The following DST variants were observed in gnomAD, a reference collection of about 807,000 sequenced individuals.
DST encodes bullous pemphigoid antigen.
In DST, 253 loss-of-function variants were observed where a neutral mutation model predicts 875.2. The observed-to-expected ratio is 0.29, with a 90% CI of 0.26 to 0.32. The LOEUF is 0.32. Among genes scored for constraint, DST ranks in the 10% least tolerant of loss-of-function variants. The pLI is 1.00. For missense variants in DST, 8,287 were observed against 9,111.6 expected (o/e 0.91, Z 3.68); for synonymous variants, 3,124 against 3,197.1 (o/e 0.98, Z 0.77).
Position 56,606,321 on chromosome 6 carries a change from C to T in DST, c.8307G>A (p.Lys2769=), listed in dbSNP as rs1280817602. 6.2e-7 allele frequency: 1 copy of T among 1,610,340 alleles called. No homozygotes were observed. The highest frequency in any genetic ancestry group is 1.7e-5 in the Admixed American group (1 of 59,342). Residue 2769 remains lysine, a synonymous_variant, in exon 40 of 104, where the codon AAG becomes AAA. Transcript: ENST00000680361. ...FDDSGSWRGR[K]EEYVTGQEFH... is the part of the protein sequence containing the mutation. ...ATTCCTGTCCAGTTACATACTCTTC[C>T]TTTCTTCCTCTCCAACTGCCACTGT...
intron 92 of DST, among the ~76,000 whole-genome samples, chr6:56,475,376 G>A (rs1282489555): frequency 1.4e-5 from 2 of 147,050 alleles, no homozygotes; most frequent in Non-Finnish European, 3.0e-5. Context: ...AGACATTGAT[G>A]TCTTATTAGG....
At chr6:56,614,870 G>T (rs1444923516) in intron 36 of DST, 1 of 992,652 alleles carries the variant, frequency 1.0e-6, no homozygotes, top group Non-Finnish European at 1.2e-6. Flanking sequence ...AATAGAGAAC[G>T]TCTACTGTAC....
chr6:56,747,198 C>T (rs2099575193), intron 4 of DST, among the ~76,000 whole-genome samples: 1 of 152,190 alleles, frequency 6.6e-6, no homozygotes, highest in African/African-American at 2.4e-5. Context: ...AATCCAGACA[C>T]AGGACAAGAG....
intron 4 of DST, among the ~76,000 whole-genome samples, chr6:56,800,512 C>T (rs1697838836): frequency 1.3e-5 from 2 of 152,150 alleles, no homozygotes; most frequent in Admixed American, 1.3e-4. Flanking sequence ...CCCCAATCTC[C>T]ATGGTGCCTC....
At chr6:56,813,507 T>C (rs1361600775) in intron 4 of DST, among the ~76,000 whole-genome samples, 1 of 152,172 alleles carries the variant, frequency 6.6e-6, no homozygotes, top group African/African-American at 2.4e-5. Flanking sequence ...CTAAAGAAAC[T>C]ACAAAGAAAT....
chr6:56,846,597 T>C (rs2099807442), intron 4 of DST, among the ~76,000 whole-genome samples: 1 of 152,236 alleles, frequency 6.6e-6, no homozygotes. Flanking sequence ...CCTTTCCTTA[T>C]ATTTCATTGT....
chr6:56,556,870 T>A (rs1393847437), intron 59 of DST, among the ~76,000 whole-genome samples: 1 of 152,184 alleles, frequency 6.6e-6, no homozygotes, highest in Non-Finnish European at 1.5e-5. Flanking sequence ...ATTCTCTCTC[T>A]CCTCCATCAG....
At chr6:56,702,083 G>A (rs937075411) in intron 7 of DST, 118 bp from the exon 8 acceptor site, 1 of 560,108 alleles carries the variant, frequency 1.8e-6, no homozygotes, top group Non-Finnish European at 3.1e-6. Flanking sequence ...TTTAGGTAAG[G>A]CCATAAGATT....
intron 4 of DST, among the ~76,000 whole-genome samples, chr6:56,792,536 A>G (rs1177750984): frequency 6.6e-6 from 1 of 152,092 alleles, no homozygotes; most frequent in African/African-American, 2.4e-5. Context: ...CCTGGGCTCA[A>G]GCAATCCTCC....
At chr6:56,619,265 A>C (rs758328771) in intron 36 of DST, 1 of 1,613,098 alleles carries the variant, frequency 6.2e-7, no homozygotes, top group Admixed American at 1.7e-5. Flanking sequence ...AATTCTCTGC[A>C]TCATTAATTT....
intron 2 of DST, among the ~76,000 whole-genome samples, chr6:56,907,558 A>G (rs908469624): frequency 6.6e-6 from 1 of 152,260 alleles, no homozygotes; most frequent in African/African-American, 2.4e-5. Flanking sequence ...AGCCCAGATT[A>G]GAACCCAGGT....
At chr6:56,656,863 G>T (rs1234549154) in intron 10 of DST, among the ~76,000 whole-genome samples, 2 of 152,160 alleles carry the variant, frequency 1.3e-5, no homozygotes, top group African/African-American at 4.8e-5. Context: ...ATATGTATAT[G>T]TATGTGTGTG....
In DST at chr6:56,597,632, A is replaced by G. The variant is rs2098404059; in HGVS notation, c.12195+108T>C. On this transcript the variant is annotated intron_variant, in intron 47 of 103. Transcript: ENST00000680361. ...ATCTGACATGATGAACACAGAAAAA[A>G]ACCTCTTTTGTCAGTAAGGTTTGAA... 3 of 1,169,240 alleles carry G rather than the reference A, an allele frequency of 2.6e-6. No individual in the cohort carries two copies. The South Asian group carries it at 5.8e-5, about 22-fold the overall frequency. The allele number at this position is 1,169,240 out of a possible 1,614,324, so 72.4% of individuals were successfully genotyped here.
At chr6:56,612,760 A>G (rs2098555415) in intron 37 of DST, among the ~76,000 whole-genome samples, 1 of 152,258 alleles carries the variant, frequency 6.6e-6, no homozygotes, top group Non-Finnish European at 1.5e-5. Flanking sequence ...GTTCTTAGAC[A>G]GTTATAATTA....
At chr6:56,619,026 G>GA in intron 36 of DST, 1 of 1,614,154 alleles carries the variant, frequency 6.2e-7, no homozygotes. Flanking sequence ...ATAATGTTCT[G>GA]TTGGTCACAC....
chr6:56,600,761 T>C lies in DST; in HGVS notation c.11542-540A>G, dbSNP rs536247283. Reference sequence around the variant, plus strand: ...GCTATTAGATATAGCACTCATATAATTCATTAAATCTTCTAAAAGATTAAG... The same window carrying C: ...GCTATTAGATATAGCACTCATATAACTCATTAAATCTTCTAAAAGATTAAG... On this transcript the variant is annotated intron_variant, in intron 44 of 103. Coordinates refer to ENST00000680361, the MANE Select transcript of DST (RefSeq NM_001374736.1). 2.0e-5 allele frequency among the ~76,000 whole-genome samples: 3 copies of C among 152,080 alleles called. No homozygotes were observed. In the South Asian group the frequency reaches 6.2e-4, roughly 32 times the overall value.
Position 56,553,081 on chromosome 6 carries a change from C to G in DST, c.15711G>C (p.Glu5237Asp), listed in dbSNP as rs530295193. ...NTANSLLSVC[E>D]IDKEVVTDEN... is the part of the protein sequence containing the mutation. ...CATCTGTAACAACTTCTTTATCTAT[C>G]TCACAGACACTGAGCAAGCTATTGG... The change falls in exon 61 of 104, where the codon GAG (glutamate) becomes GAC (aspartate). Residue 5237 changes from glutamate to aspartate, a missense_variant. Physicochemically the swap from Glu to Asp is conservative, Grantham distance 45. This residue lies in a region of DST where 1,513 missense variants were observed against 1,677.8 expected (regional missense o/e 0.90). Transcript: ENST00000680361. 6.2e-7 allele frequency: 1 copy of G among 1,613,966 alleles called. No homozygotes were observed. The highest frequency in any genetic ancestry group is 1.1e-5 in the South Asian group (1 of 91,088).
At chr6:56,566,068 G>T (rs2097671085) in intron 55 of DST, among the ~76,000 whole-genome samples, 1 of 152,144 alleles carries the variant, frequency 6.6e-6, no homozygotes, top group Non-Finnish European at 1.5e-5. Context: ...AGCATCCCAG[G>T]TCGACTGCAG....
Position 56,538,435 on chromosome 6 carries a change from AC to A in DST, c.16609-1496del, listed in dbSNP as rs142058132. On this transcript the variant is annotated intron_variant, in intron 61 of 103. Coordinates refer to ENST00000680361, the MANE Select transcript of DST (RefSeq NM_001374736.1). ...ATCCTGAAGGGCACTATATAAATAT[AC>A]CAATGATTGGACAGTTAATCATAAT... 4.8e-3 allele frequency among the ~76,000 whole-genome samples: 732 copies of A among 152,334 alleles called. 6 individuals carry two copies. The highest frequency in any genetic ancestry group is 0.017 in the African/African-American group (708 of 41,570).
Sources: gnomAD v4.1 joint callset for allele counts (sites outside exome capture counted in the v4.1 genomes callset) on GRCh38, gnomAD v4.1.1 for gene constraint, gnomAD v4.1.1 regional missense constraint, MANE v1.5 for transcripts, NCBI Gene and HGNC (gene_info 2026-07-23, HGNC 2026-07-21) for gene names.